Variants in TCF25 observed in about 807,000 individuals in gnomAD.
The protein encoded by TCF25 is TCF25 ribosome quality control complex subunit.
A neutral mutation model predicts 83.1 loss-of-function variants in TCF25; 41 were observed. The observed-to-expected ratio is 0.49, with a 90% CI of 0.38 to 0.64. TCF25 has a LOEUF of 0.64. TCF25 is among the 30% of genes least tolerant of loss of function. The pLI is 0.00. For missense variants in TCF25, 979 were observed against 914.5 expected, an observed-to-expected ratio of 1.07 and a Z score of -0.91; for synonymous variants, 458 against 365.0, an observed-to-expected ratio of 1.25 and a Z score of -2.90.
Position 89,898,732 on chromosome 16 carries a change from C to G in TCF25, c.1116-35C>G, listed in dbSNP as rs772905596. ...CTCTCAGCCTGACGATGCCCCTGTT[C>G]CCCTTTGCTCTGCTCTCTGTGCTGC... On this transcript the variant is annotated intron_variant, in intron 10 of 17. Transcript: ENST00000263346. The G allele has an allele frequency of 8.1e-6, 13 of 1,612,940 alleles. No homozygotes were observed. The African/African-American group carries it at 1.6e-4, about 20-fold the overall frequency.
intron 1 of TCF25, among the ~76,000 whole-genome samples, chr16:89,875,251 G>A (rs975502740): frequency 5.3e-5 from 8 of 152,176 alleles, no homozygotes; most frequent in Non-Finnish European, 1.0e-4. Context: ...GTAGTGAAAT[G>A]CAGCACCTAG....
In TCF25 at chr16:89,873,624, C is replaced by A. The variant is rs957802340; in HGVS notation, c.-44C>A. On this transcript the variant is annotated 5_prime_UTR_variant, in exon 1 of 18. Coordinates refer to ENST00000263346, the MANE Select transcript of TCF25 (RefSeq NM_014972.3). The stretch of plus-strand genomic sequence containing the variant: ...GGCGCGCCGACAGCCGAGTTTTCTG[C>A]GCTTCCTTCTCCCTCTCTCCAGACG... 8 of 1,460,358 alleles carry A rather than the reference C, an allele frequency of 5.5e-6. No individual in the cohort carries two copies. Among genetic ancestry groups the A allele is most frequent in the Non-Finnish European group, 7.2e-6 (8 of 1,109,246 alleles). 90.5% of individuals were successfully genotyped at this position (1,460,358 alleles called of 1,614,324 possible). A position where few individuals can be genotyped will look rare whatever the true frequency, so the allele number is the denominator to read the frequency against.
chr16:89,905,398 T>C (rs2044693685), intron 14 of TCF25, among the ~76,000 whole-genome samples: 1 of 152,116 alleles, frequency 6.6e-6, no homozygotes, highest in Non-Finnish European at 1.5e-5. Context: ...ATGACGAGTC[T>C]CTCACAGCAG....
chr16:89,889,251 C>A, intron 5 of TCF25: 1 of 395,352 alleles, frequency 2.5e-6, no homozygotes, highest in Non-Finnish European at 5.0e-6. Flanking sequence ...CTGGGTTGTC[C>A]AGTCTGGTTT....
rs746554879 is a variant in TCF25 at position 89,904,151 on chromosome 16, G to A, written c.1415G>A (p.Arg472Gln). The change falls in exon 13 of 18, where the codon CGG (arginine) becomes CAG (glutamine). Residue 472 changes from arginine (R) to glutamine (Q), a missense_variant. Physicochemically the swap from Arg to Gln is conservative, Grantham distance 43 (BLOSUM62 1). Transcript: ENST00000263346. ...CCCCTGCTCGAGTCTTGCAGTGTGC[G>A]GCCCGACGCCAGCGTTTCCAGTCAC... is the stretch of plus-strand genomic sequence containing the variant. ...LLPLLESCSV[R>Q]PDASVSSHRF... The A allele has an allele frequency of 1.6e-5, 25 of 1,606,148 alleles. No individual in the cohort carries two copies. Among genetic ancestry groups the A allele is most frequent in the Middle Eastern group, 1.6e-4 (1 of 6,074 alleles).
chr16:89,908,396 T>C (rs1376628097), intron 16 of TCF25, among the ~76,000 whole-genome samples: 89 of 60,306 alleles, frequency 1.5e-3, no homozygotes, highest in African/African-American at 2.5e-3. Flanking sequence ...CTCCTTCCAG[T>C]TTCCACCTCC....
chr16:89,900,700 GA>G lies in TCF25; in HGVS notation c.1288del (p.Ser430AlafsTer21). 1 of 1,606,336 alleles carries G rather than the reference GA, an allele frequency of 6.2e-7. No individual in the cohort carries two copies. The highest frequency in any genetic ancestry group is 8.5e-7 in the Non-Finnish European group (1 of 1,173,446). Reference sequence around the variant, plus strand: ...CTGTTCCACTGGCGTATTTCCTGCTGAGCCAGCAGACAGACCTCCCTGAGTG... The same window carrying G: ...CTGTTCCACTGGCGTATTTCCTGCTGGCCAGCAGACAGACCTCCCTGAGTG... ...FSVPLAYFLLSQQTDLPECEQ... is the reference protein window; with the variant it reads ...FSVPLAYFLLXQQTDLPECEQ... On this transcript the variant is annotated frameshift_variant, in exon 12 of 18. Coordinates refer to ENST00000263346, the MANE Select transcript of TCF25 (RefSeq NM_014972.3). LOFTEE classifies it high-confidence loss of function.
intron 1 of TCF25, among the ~76,000 whole-genome samples, chr16:89,876,940 A>G (rs1157471919): frequency 1.3e-5 from 2 of 149,222 alleles, no homozygotes; most frequent in African/African-American, 4.9e-5. Context: ...AAAAAAAAAA[A>G]AAAAAAAAAA....
intron 9 of TCF25, among the ~76,000 whole-genome samples, chr16:89,897,812 A>T (rs1317549925): frequency 6.8e-6 from 1 of 147,394 alleles, no homozygotes; most frequent in Non-Finnish European, 1.5e-5. Flanking sequence ...AATAATAAAC[A>T]AAAAAACAAG....
intron 9 of TCF25, among the ~76,000 whole-genome samples, chr16:89,896,580 G>A (rs1354875448): frequency 5.2e-4 from 74 of 142,542 alleles, no homozygotes; most frequent in African/African-American, 1.6e-3. Flanking sequence ...TTGAGACGGA[G>A]TCTCACTCTG....
At chr16:89,895,229 C>G in intron 8 of TCF25, 92 bp downstream of exon 8, 1 of 1,175,552 alleles carries the variant, frequency 8.5e-7, no homozygotes, top group Non-Finnish European at 1.2e-6. Flanking sequence ...CAGGGGTTGC[C>G]AGGATATCCA....
rs1183911361 is a variant in TCF25 at position 89,903,972 on chromosome 16, A to C, written c.1382-146A>C. ...AGCAGCAACTCAGAATACCACCCGG[A>C]AGCAAGCCGCTGGCCCTGCAGACTC... On this transcript the variant is annotated intron_variant, in intron 12 of 17. Coordinates refer to ENST00000263346, the MANE Select transcript of TCF25 (RefSeq NM_014972.3). 6.4e-6 allele frequency: 5 copies of C among 775,280 alleles called. 1 individual carries two copies. Among genetic ancestry groups the C allele is most frequent in the Non-Finnish European group, 1.0e-5 (5 of 490,240 alleles). The allele number at this position is 775,280 out of a possible 1,614,324, so 48.0% of individuals were successfully genotyped here. A position where few individuals can be genotyped will look rare whatever the true frequency, so the allele number is the denominator to read the frequency against.
In TCF25 at chr16:89,900,302, C is replaced by T. The variant is rs1052819665; in HGVS notation, c.1222-333C>T. ...GACTCGCGCGGGGGTGGGCTGCTCT[C>T]GTCTGTAAATTTTCCACATTGAGAG... On this transcript the variant is annotated intron_variant, in intron 11 of 17. Coordinates refer to ENST00000263346, the MANE Select transcript of TCF25 (RefSeq NM_014972.3). Among the ~76,000 whole-genome samples, 11 of 131,736 alleles carry T rather than the reference C, an allele frequency of 8.4e-5. No individual in the cohort carries two copies. The Middle Eastern group carries it at 0.015, about 179-fold the overall frequency. 86.4% of individuals were successfully genotyped at this position (131,736 alleles called of 152,430 possible).
chr16:89,874,270 ACGTGGCTGT>A (rs2041987841), intron 1 of TCF25, among the ~76,000 whole-genome samples: 2 of 150,010 alleles, frequency 1.3e-5, no homozygotes, highest in Non-Finnish European at 3.0e-5. Flanking sequence ...GCCTGCGGCC[ACGTGGCTGT>A]CGTGGGGCCG....
At position 89,893,736 on chromosome 16, in the gene TCF25, A is replaced by G. The variant is rs375186023; in HGVS notation, c.706A>G (p.Met236Val). 6.2e-7 allele frequency: 1 copy of G among 1,613,844 alleles called. No individual in the cohort carries two copies. Among genetic ancestry groups the G allele is most frequent in the African/African-American group, 1.3e-5 (1 of 75,048 alleles). ...GCACTCTCCCCTCCCAGGTCTGTCCATGCGGCTGCTGGAATCAAAAAAAGG... is the reference window on the plus strand; with the variant it reads ...GCACTCTCCCCTCCCAGGTCTGTCCGTGCGGCTGCTGGAATCAAAAAAAGG... ...WPRYSKPGLS[M>V]RLLESKKGLS... The change falls in exon 7 of 18, where the codon ATG becomes GTG. Residue 236 changes from methionine to valine, a missense_variant. Transcript: ENST00000263346.
chr16:89,874,358 C>G (rs2041999975), intron 1 of TCF25, among the ~76,000 whole-genome samples: 1 of 151,608 alleles, frequency 6.6e-6, no homozygotes, highest in Non-Finnish European at 1.5e-5. Context: ...TTAAATGAGG[C>G]CTGGGGCCAC....
chr16:89,911,257 G>T lies in TCF25; in HGVS notation c.*19G>T, dbSNP rs763010052. The T allele has an allele frequency of 1.2e-5, 20 of 1,611,076 alleles. No homozygotes were observed. Among genetic ancestry groups the T allele is most frequent in the Non-Finnish European group, 1.5e-5 (18 of 1,178,990 alleles). ...GGACTGAGCGTCCGCAGAGGTGACC[G>T]AAAAGCCGTATGATGATGTTCCCGA... On this transcript the variant is annotated 3_prime_UTR_variant, in exon 18 of 18. Transcript: ENST00000263346.
At chr16:89,881,191 C>G (rs961376055) in intron 1 of TCF25, among the ~76,000 whole-genome samples, 1 of 152,252 alleles carries the variant, frequency 6.6e-6, no homozygotes, top group East Asian at 1.9e-4. Context: ...ACAGACCTGC[C>G]CTGTGCTTTC....
chr16:89,878,213 G>A (rs2042333396), intron 1 of TCF25, among the ~76,000 whole-genome samples: 1 of 151,978 alleles, frequency 6.6e-6, no homozygotes, highest in Non-Finnish European at 1.5e-5. Context: ...CCAGGAGGTC[G>A]AGGCTGCAGT....
Sources: gnomAD v4.1 joint callset for allele counts (sites outside exome capture counted in the v4.1 genomes callset) on GRCh38, gnomAD v4.1.1 for gene constraint, MANE v1.5 for transcripts, NCBI Gene and HGNC (gene_info 2026-07-23, HGNC 2026-07-21) for gene names.